Variants in ABCC10 observed in about 807,000 individuals in gnomAD.
ABCC10 encodes the protein ATP-binding cassette sub-family C member 10.
ABCC10 carries 110 observed loss-of-function variants against 143.2 expected under a neutral mutation model. The ratio of observed to expected loss-of-function variants is 0.77; its 90% CI spans 0.66 to 0.90. ABCC10 has a LOEUF of 0.90. Among genes scored for constraint, ABCC10 ranks in the 40% least tolerant of loss-of-function variants. The probability of loss-of-function intolerance (pLI) is 0.00; values close to 1 mark genes in which losing one functional copy is unlikely to be tolerated. For synonymous variants in ABCC10, 805 were observed against 846.7 expected (o/e 0.95, Z 0.85); for missense variants, 1,700 against 1,900.5 (o/e 0.89, Z 1.96).
intron 3 of ABCC10, among the ~76,000 whole-genome samples, chr6:43,433,695 G>A (rs1178582267): frequency 6.6e-6 from 1 of 152,182 alleles, no homozygotes; most frequent in Non-Finnish European, 1.5e-5. Flanking sequence ...CACCCTGGGA[G>A]GTAGGAAGTC....
chr6:43,441,845 G>A lies in ABCC10; in HGVS notation c.2128-17G>A, dbSNP rs755267557. The A allele has an allele frequency of 1.2e-6, 2 of 1,609,322 alleles. No individual in the cohort carries two copies. The highest frequency in any genetic ancestry group is 1.3e-5 in the African/African-American group (1 of 74,936). On this transcript the variant is annotated splice_polypyrimidine_tract_variant and intron_variant, in intron 8 of 21. Coordinates refer to ENST00000372530, the MANE Select transcript of ABCC10 (RefSeq NM_001198934.2). ...TAATGGGAGCTCCCTGACCCACTGG[G>A]GCACCTGTTCCATCAGATCCTGCCT... is the stretch of plus-strand genomic sequence containing the variant.
intron 9 of ABCC10, among the ~76,000 whole-genome samples, chr6:43,442,730 C>CA (rs113079901): frequency 1.7e-3 from 231 of 137,400 alleles, no homozygotes; most frequent in South Asian, 8.7e-3. Flanking sequence ...GACCATGTCT[C>CA]AAAAAAAAAA....
chr6:43,451,044 C>T, downstream of ABCC10: 1 of 1,614,226 alleles, frequency 6.2e-7, no homozygotes, highest in South Asian at 1.1e-5. This position sits in a 1 kb window ranked among gnomAD's most constrained non-coding sequence, Gnocchi z 4.4. Context: ...GCGGCTGGCA[C>T]AGTCATCCAG....
chr6:43,441,749 C>G, intron 8 of ABCC10, 113 bp from the exon 9 acceptor site: 1 of 781,912 alleles, frequency 1.3e-6, no homozygotes, highest in Non-Finnish European at 2.0e-6. Context: ...TTTAAGTCTA[C>G]TCTCCTCAAG....
chr6:43,442,983 A>G lies in ABCC10; in HGVS notation c.2240A>G (p.Tyr747Cys), dbSNP rs376562817. 13 of 1,593,874 alleles carry G rather than the reference A, an allele frequency of 8.2e-6. No homozygotes were observed. The highest frequency in any genetic ancestry group is 1.7e-4 in the Middle Eastern group (1 of 5,974). ...ARAVYQEKEL[Y>C]LLDDPLAAVD... ...ACGTCTCCATAGGAAAAGGAGCTCT[A>G]TCTCCTCGATGACCCTCTGGCCGCT... The change falls in exon 10 of 22, where the codon TAT becomes TGT. Residue 747 changes from tyrosine (Y) to cysteine (C), a missense_variant. By Grantham distance (194) the Tyr-to-Cys change is radical. Coordinates refer to ENST00000372530, the MANE Select transcript of ABCC10 (RefSeq NM_001198934.2).
chr6:43,436,045 A>G (rs1158804413), intron 5 of ABCC10, 93 bp from the exon 6 acceptor site: 2 of 1,604,832 alleles, frequency 1.2e-6, no homozygotes, highest in African/African-American at 1.3e-5. Flanking sequence ...TTGGGCAGGT[A>G]GATATGGGGC....
rs760324037 is a variant in ABCC10 at position 43,438,710 on chromosome 6, G to A, written c.2042G>A (p.Arg681Gln). The A allele has an allele frequency of 5.0e-6, 8 of 1,614,128 alleles. No homozygotes were observed. The East Asian group carries it at 6.7e-5, about 13-fold the overall frequency. The change falls in exon 8 of 22, where the codon CGA becomes CAA. Residue 681 changes from arginine (R) to glutamine (Q), a missense_variant. Transcript: ENST00000372530. ...QEPWIQFATI[R>Q]DNILFGKTFD... ...CCCTGGATCCAGTTTGCCACCATCC[G>A]AGACAACATCCTCTTTGGGAAGACA...
At position 43,432,165 on chromosome 6, in the gene ABCC10, G is replaced by C. The variant is rs1781209167; in HGVS notation, c.185G>C (p.Cys62Ser). ...AGGAGTCCAGATTACATCCTACCCT[G>C]CAGTCCTGGATGGCGCCTCCGACTT... is the stretch of plus-strand genomic sequence containing the variant. ...TPRSPDYILP[C>S]SPGWRLRLAA... Residue 62 changes from cysteine (C) to serine (S), a missense_variant, in exon 3 of 22, where the codon TGC becomes TCC. By Grantham distance (112) the Cys-to-Ser change is moderately radical. Transcript: ENST00000372530. 1 of 1,614,078 alleles carries C rather than the reference G, an allele frequency of 6.2e-7. No homozygotes were observed. Among genetic ancestry groups the C allele is most frequent in the East Asian group, 2.2e-5 (1 of 44,900 alleles).
At position 43,432,626 on chromosome 6, in the gene ABCC10, G is replaced by A. The variant is rs1260611141; in HGVS notation, c.646G>A (p.Asp216Asn). The A allele has an allele frequency of 6.8e-6, 11 of 1,613,914 alleles. No homozygotes were observed. The highest frequency in any genetic ancestry group is 9.3e-6 in the Non-Finnish European group (11 of 1,180,030). ...PEDQEPEVAEDGESWLSRFSY... is the reference protein window; with the variant it reads ...PEDQEPEVAENGESWLSRFSY... ...GGATCAAGAACCTGAGGTGGCTGAA[G>A]ATGGGGAGAGTTGGCTGTCACGCTT... The change falls in exon 3 of 22, where the codon GAT becomes AAT. Residue 216 changes from aspartate (D) to asparagine (N), a missense_variant. By Grantham distance (23) the Asp-to-Asn change is conservative. Coordinates refer to ENST00000372530, the MANE Select transcript of ABCC10 (RefSeq NM_001198934.2).
At position 43,444,865 on chromosome 6, in the gene ABCC10, C is replaced by T; in HGVS notation, c.2767C>T (p.Gln923Ter). The change falls in exon 13 of 22, where the codon CAA (glutamine) becomes TAA (stop). Residue 923 changes from glutamine to a stop codon, truncating the protein, a stop_gained. Transcript: ENST00000372530. LOFTEE classifies it high-confidence loss of function. ...GGCTGAGAATAGCTCCCAGGAGGCG[C>T]AACCCTCCACCAGCCCAGCTTCTAT... ...LKAENSSQEA[Q>*]PSTSPASMGL... 1 of 1,614,044 alleles carries T rather than the reference C, an allele frequency of 6.2e-7. No homozygotes were observed. Among genetic ancestry groups the T allele is most frequent in the Non-Finnish European group, 8.5e-7 (1 of 1,179,946 alleles).
chr6:43,450,482 AC>A (rs1304231606), downstream of ABCC10: 1 of 1,507,762 alleles, frequency 6.6e-7, no homozygotes, highest in Non-Finnish European at 8.9e-7. The surrounding 1 kb of genome is among the most constrained non-coding windows in gnomAD (Gnocchi z 4.5). Flanking sequence ...AGAACGGACC[AC>A]TCCAGTCTGA....
chr6:43,436,095 T>G, intron 5 of ABCC10, 43 bp from the exon 6 acceptor site: 1 of 1,613,594 alleles, frequency 6.2e-7, no homozygotes, highest in Non-Finnish European at 8.5e-7. Context: ...CCAAACAGAT[T>G]GTGGTAGATT....
At chr6:43,445,343 G>T (rs9381242) in intron 14 of ABCC10, 29 bp downstream of exon 14, 213,331 of 1,598,214 alleles carry the variant, frequency 0.13, 15,134 homozygotes, top group Non-Finnish European at 0.15. Flanking sequence ...GGGGGTAGGG[G>T]AGTGCAGTCC....
chr6:43,427,704 G>T lies in ABCC10; in HGVS notation c.-65G>T. 1 of 550,562 alleles carries T rather than the reference G, an allele frequency of 1.8e-6. No individual in the cohort carries two copies. The highest frequency in any genetic ancestry group is 3.3e-6 in the Non-Finnish European group (1 of 304,276). The allele number at this position is 550,562 out of a possible 1,614,324, so 34.1% of individuals were successfully genotyped here. On this transcript the variant is annotated 5_prime_UTR_variant, in exon 1 of 22. Transcript: ENST00000372530. ...GGTGCACAGCAGCTTCTTCAGGTTT[G>T]AGGTTCCGGATGCCTGGGGGCGGAG... is the stretch of plus-strand genomic sequence containing the variant.
intron 14 of ABCC10, 118 bp from the exon 15 acceptor site, chr6:43,445,481 T>A: frequency 7.3e-7 from 1 of 1,373,966 alleles, no homozygotes; most frequent in Non-Finnish European, 1.0e-6. Context: ...TGGGGATATT[T>A]TAGTCCTTCC....
intron 15 of ABCC10, 105 bp from the exon 16 acceptor site, chr6:43,446,172 T>C: frequency 7.1e-7 from 1 of 1,402,698 alleles, no homozygotes; most frequent in East Asian, 2.3e-5. Flanking sequence ...ACAGACCAGC[T>C]CCCAAGAAGG....
Position 43,432,321 on chromosome 6 carries a change from G to A in ABCC10, c.341G>A (p.Ser114Asn), listed in dbSNP as rs371981738. Residue 114 changes from serine to asparagine, a missense_variant, in exon 3 of 22, where the codon AGC becomes AAC. Ser to Asn is a conservative substitution (Grantham distance 46, BLOSUM62 1). Coordinates refer to ENST00000372530, the MANE Select transcript of ABCC10 (RefSeq NM_001198934.2). ...TGCGTGGCAGCTGTGGCCTGGATCA[G>A]CCACAGCCTGGCCCTGTGGGTGTTG... ...AGCVAAVAWI[S>N]HSLALWVLAH... The A allele has an allele frequency of 3.7e-6, 6 of 1,613,980 alleles. No individual in the cohort carries two copies. The highest frequency in any genetic ancestry group is 5.1e-6 in the Non-Finnish European group (6 of 1,180,036).
chr6:43,439,938 T>G (rs1230947786), intron 8 of ABCC10, among the ~76,000 whole-genome samples: 1 of 151,682 alleles, frequency 6.6e-6, no homozygotes, highest in Non-Finnish European at 1.5e-5. Context: ...AGATTTTATG[T>G]AAAAGCTTTT....
intron 6 of ABCC10, among the ~76,000 whole-genome samples, chr6:43,437,286 TTG>T (rs920748647): frequency 1.2e-4 from 18 of 151,954 alleles, no homozygotes; most frequent in Non-Finnish European, 2.5e-4. Context: ...TGGTGCCCAC[TTG>T]TAGCTGGGTC....
Sources: allele counts gnomAD v4.1 joint callset (sites outside exome capture counted in the v4.1 genomes callset), GRCh38; gene constraint gnomAD v4.1.1; non-coding constraint Gnocchi (gnomAD v3.1); transcripts MANE v1.5; gene names NCBI Gene and HGNC (gene_info 2026-07-23, HGNC 2026-07-21).